XRN1: variants seen among roughly 807,000 people sequenced by gnomAD.
XRN1 encodes the protein 5'-3' exoribonuclease 1, also known as strand-exchange protein 1 homolog.
A neutral mutation model predicts 222.3 loss-of-function variants in XRN1; 67 were observed. The ratio of observed to expected loss-of-function variants is 0.30; its 90% CI spans 0.25 to 0.37. The LOEUF (loss-of-function observed/expected upper bound fraction) is 0.37, where lower values mean the gene tolerates loss of function less well. Ranked by LOEUF, XRN1 falls within the 10% of genes least tolerant of loss-of-function variation. The pLI is 1.00. For synonymous variants in XRN1, 643 were observed against 652.4 expected, an observed-to-expected ratio of 0.99 and a Z score of 0.22; for missense variants, 1,707 against 2,000.2, an observed-to-expected ratio of 0.85 and a Z score of 2.80.
At position 142,432,858 on chromosome 3, in the gene XRN1, A is replaced by G. The variant is rs1233402243; in HGVS notation, c.111T>C (p.Asn37=). Residue 37 remains asparagine (N), a synonymous_variant, in exon 2 of 41, where the codon AAT becomes AAC. Coordinates refer to ENST00000392981, the MANE Select transcript of XRN1 (RefSeq NM_001282857.2). ...GATGGGAGCACTGATGTATAATTCC[A>G]TTCATATCCAGGTACAAGTTGTCAA... is the stretch of plus-strand genomic sequence containing the variant. ...PEFDNLYLDM[N]GIIHQCSHPN... is the part of the protein sequence containing the mutation. 1 of 1,612,202 alleles carries G rather than the reference A, an allele frequency of 6.2e-7. No homozygotes were observed. Among genetic ancestry groups the G allele is most frequent in the South Asian group, 1.1e-5 (1 of 90,566 alleles).
At chr3:142,356,008 T>C (rs924002078) in intron 31 of XRN1, among the ~76,000 whole-genome samples, 1 of 152,212 alleles carries the variant, frequency 6.6e-6, no homozygotes, top group African/African-American at 2.4e-5. Context: ...AGAGTGAAAC[T>C]GGTGTTCTTT....
intron 1 of XRN1, among the ~76,000 whole-genome samples, chr3:142,442,372 C>A (rs540863032): frequency 1.3e-5 from 2 of 152,276 alleles, no homozygotes; most frequent in South Asian, 4.1e-4. Context: ...AGGCAGGACC[C>A]TCCATTAGAA....
chr3:142,384,272 AAAAAAAAAAAAAG>A (rs1023634304), intron 21 of XRN1, among the ~76,000 whole-genome samples: 5 of 143,856 alleles, frequency 3.5e-5, no homozygotes, highest in African/African-American at 1.3e-4. Context: ...ACTCTGTCTC[AAAAAAAAAAAAAG>A]AAAAAAAAAA....
rs551462264 is a variant in XRN1 at position 142,447,460 on chromosome 3, A to G, written c.75+410T>C. On this transcript the variant is annotated intron_variant, in intron 1 of 40. Coordinates refer to ENST00000392981, the MANE Select transcript of XRN1 (RefSeq NM_001282857.2). This position sits in a 1 kb window ranked among gnomAD's most constrained non-coding sequence, Gnocchi z 4.2. ...GCGGAAGCGGCTGTTATCGTCTGTA[A>G]GTGGGTCTGCCGCTCTGGGTGGGAT... 6.6e-6 allele frequency among the ~76,000 whole-genome samples: 1 copy of G among 152,304 alleles called. No individual in the cohort carries two copies. The highest frequency in any genetic ancestry group is 1.9e-4 in the East Asian group (1 of 5,182).
In XRN1 at chr3:142,448,030, C is replaced by A; in HGVS notation, c.-86G>T. On this transcript the variant is annotated 5_prime_UTR_variant, in exon 1 of 41. Coordinates refer to ENST00000392981, the MANE Select transcript of XRN1 (RefSeq NM_001282857.2). The stretch of plus-strand genomic sequence containing the variant: ...TCCGCCGCAGCCTCCGGTCGTCGCT[C>A]CGCGGATGACAACACACCGCCCGGC... 7.0e-7 allele frequency: 1 copy of A among 1,430,384 alleles called. No individual in the cohort carries two copies. The highest frequency in any genetic ancestry group is 9.8e-7 in the Non-Finnish European group (1 of 1,025,412). 88.6% of individuals were successfully genotyped at this position (1,430,384 alleles called of 1,614,324 possible).
rs73867821 is a variant in XRN1 at position 142,311,868 on chromosome 3, G to A, written c.4783-55C>T. On this transcript the variant is annotated intron_variant, in intron 40 of 40. Coordinates refer to ENST00000392981, the MANE Select transcript of XRN1 (RefSeq NM_001282857.2). The stretch of plus-strand genomic sequence containing the variant: ...TAATGTAGGCAAAAAATTAGCTAGT[G>A]TTGGAAATTACCATAAACCATGCAT... 6.1e-3 allele frequency: 9,207 copies of A among 1,497,756 alleles called. 459 individuals are homozygous for A. The African/African-American group carries it at 0.11, about 18-fold the overall frequency. 92.8% of individuals were successfully genotyped at this position (1,497,756 alleles called of 1,614,324 possible).
intron 1 of XRN1, among the ~76,000 whole-genome samples, chr3:142,444,101 A>AG (rs2070381465): frequency 6.6e-6 from 1 of 152,204 alleles, no homozygotes; most frequent in Admixed American, 6.5e-5. Context: ...TCGGGGAGTC[A>AG]GGGGAGAGGT....
intron 1 of XRN1, among the ~76,000 whole-genome samples, chr3:142,437,027 T>C (rs2069944540): frequency 6.6e-6 from 1 of 152,310 alleles, no homozygotes; most frequent in Admixed American, 6.5e-5. Context: ...AAAAGAAATA[T>C]TTGAAAAATT....
At chr3:142,315,763 C>T (rs1273628390) in intron 39 of XRN1, among the ~76,000 whole-genome samples, 2 of 151,910 alleles carry the variant, frequency 1.3e-5, no homozygotes, top group Non-Finnish European at 2.9e-5. Context: ...GATCCACCCA[C>T]CTCTGCCTCC....
At chr3:142,322,711 A>T (rs1395875875) in intron 37 of XRN1, among the ~76,000 whole-genome samples, 1 of 151,378 alleles carries the variant, frequency 6.6e-6, no homozygotes, top group East Asian at 2.0e-4. Context: ...TTTTTTAAAG[A>T]GATGAGTTCT....
intron 33 of XRN1, among the ~76,000 whole-genome samples, chr3:142,347,005 G>C (rs1234852496): frequency 6.6e-6 from 1 of 152,194 alleles, no homozygotes; most frequent in Non-Finnish European, 1.5e-5. Flanking sequence ...CCAAGGCCTG[G>C]AGGAGTGACT....
chr3:142,381,901 T>C (rs570686167), intron 22 of XRN1, among the ~76,000 whole-genome samples: 3 of 152,194 alleles, frequency 2.0e-5, no homozygotes, highest in African/African-American at 7.2e-5. Context: ...AATTTGTCCC[T>C]CCCTCTCCAA....
Position 142,342,982 on chromosome 3 carries a change from G to C in XRN1, c.3877+4252C>G, listed in dbSNP as rs1199222068. Among the ~76,000 whole-genome samples the C allele has an allele frequency of 2.6e-5, 4 of 151,776 alleles. No homozygotes were observed. In the South Asian group the frequency reaches 8.3e-4, roughly 32 times the overall value. ...AAGGAAACAATCAACAACATGAAGA[G>C]ACAATACACAGAATGGGAAAAAATA... On this transcript the variant is annotated intron_variant, in intron 33 of 40. Coordinates refer to ENST00000392981, the MANE Select transcript of XRN1 (RefSeq NM_001282857.2).
intron 37 of XRN1, 76 bp downstream of exon 37, chr3:142,329,358 A>C: frequency 9.2e-7 from 1 of 1,090,710 alleles, no homozygotes; most frequent in East Asian, 3.2e-5. Flanking sequence ...TATTTTTTCT[A>C]GCTAAACATT....
At chr3:142,325,082 C>G (rs1441227882) in intron 37 of XRN1, among the ~76,000 whole-genome samples, 1 of 152,118 alleles carries the variant, frequency 6.6e-6, no homozygotes, top group Non-Finnish European at 1.5e-5. Context: ...CTATACCCAG[C>G]AGTGGAATTG....
intron 32 of XRN1, 45 bp downstream of exon 32, chr3:142,355,356 A>G (rs2066436864): frequency 2.7e-6 from 3 of 1,095,210 alleles, no homozygotes; most frequent in Admixed American, 2.7e-5. Context: ...ATATAAAAAT[A>G]TATTTTCTTT....
chr3:142,380,358 T>C (rs1168208133), intron 22 of XRN1, among the ~76,000 whole-genome samples, 178 bp from the exon 23 acceptor site: 2 of 152,242 alleles, frequency 1.3e-5, no homozygotes, highest in African/African-American at 2.4e-5. Flanking sequence ...GTTGCTTTAA[T>C]GGTTAACTTC....
intron 39 of XRN1, among the ~76,000 whole-genome samples, chr3:142,318,091 T>C (rs887172252): frequency 1.3e-5 from 2 of 152,146 alleles, no homozygotes; most frequent in Admixed American, 1.3e-4. Context: ...TACCTGGCAG[T>C]AGATGCAGAA....
At chr3:142,402,124 T>A (rs2068161342) in intron 18 of XRN1, among the ~76,000 whole-genome samples, 1 of 152,162 alleles carries the variant, frequency 6.6e-6, no homozygotes, top group Non-Finnish European at 1.5e-5. Context: ...AACTTGAATA[T>A]CCTTCTCTCT....
Sources: allele counts gnomAD v4.1 joint callset (sites outside exome capture counted in the v4.1 genomes callset), GRCh38; gene constraint gnomAD v4.1.1; non-coding constraint Gnocchi (gnomAD v3.1); transcripts MANE v1.5; gene names NCBI Gene and HGNC (gene_info 2026-07-23, HGNC 2026-07-21).